The following SPECC1 variants were observed in gnomAD, a reference collection of about 807,000 sequenced individuals.
SPECC1 encodes the protein cytospin-B.
SPECC1 carries 62 observed loss-of-function variants against 104.1 expected under a neutral mutation model. That is an observed-to-expected ratio of 0.60 (90% CI 0.49 to 0.74). The LOEUF (loss-of-function observed/expected upper bound fraction) is 0.74, where lower values mean the gene tolerates loss of function less well. Ranked by LOEUF, SPECC1 falls within the 30% of genes least tolerant of loss-of-function variation. SPECC1 has a pLI of 0.00. For missense variants in SPECC1, 1,306 were observed against 1,310.5 expected (o/e 1.00, Z 0.05); for synonymous variants, 513 against 501.6 (o/e 1.02, Z -0.30).
chr17:20,162,745 T>A (rs1317655843), intron 3 of SPECC1, among the ~76,000 whole-genome samples: 1 of 152,102 alleles, frequency 6.6e-6, no homozygotes, highest in East Asian at 1.9e-4. Context: ...AGTGAAGATG[T>A]GGCTGGGTGC....
At chr17:20,209,935 T>C (rs572232001) in intron 4 of SPECC1, among the ~76,000 whole-genome samples, 4 of 152,364 alleles carry the variant, frequency 2.6e-5, no homozygotes, top group Middle Eastern at 3.4e-3. Context: ...ATAGGTGGTA[T>C]CCTTAGAATC....
chr17:20,238,750 T>G, intron 7 of SPECC1: 1 of 1,043,708 alleles, frequency 9.6e-7, no homozygotes. Context: ...TTTTCAAGTA[T>G]AAACAATAAG....
At chr17:20,201,947 A>G (rs934016744) in intron 3 of SPECC1, among the ~76,000 whole-genome samples, 4 of 152,244 alleles carry the variant, frequency 2.6e-5, no homozygotes, top group African/African-American at 9.6e-5. Flanking sequence ...TATGAAAACA[A>G]TTGAGAAAAA....
chr17:20,092,225 G>T (rs1201804713), intron 1 of SPECC1, among the ~76,000 whole-genome samples: 1 of 150,504 alleles, frequency 6.6e-6, no homozygotes, highest in African/African-American at 2.5e-5. Context: ...CACCATGGGT[G>T]TGGGGTCCTA....
At chr17:20,086,797 C>A (rs2047196338) in intron 1 of SPECC1, among the ~76,000 whole-genome samples, 1 of 152,142 alleles carries the variant, frequency 6.6e-6, no homozygotes, top group Non-Finnish European at 1.5e-5. Context: ...CCCCTTCCTC[C>A]CAGGTCCTCA....
chr17:20,033,102 T>G (rs2044893373), intron 1 of SPECC1, among the ~76,000 whole-genome samples: 1 of 152,040 alleles, frequency 6.6e-6, no homozygotes, highest in Non-Finnish European at 1.5e-5. Flanking sequence ...TAGCTGGGAT[T>G]ACAGGCATCC....
intron 3 of SPECC1, among the ~76,000 whole-genome samples, chr17:20,170,335 G>A (rs1439784271): frequency 6.6e-6 from 1 of 152,164 alleles, no homozygotes; most frequent in East Asian, 1.9e-4. Context: ...GTATTTCCAG[G>A]AAAGTTTTGA....
At chr17:20,132,470 C>T (rs1366893722) in intron 3 of SPECC1, among the ~76,000 whole-genome samples, 2 of 150,690 alleles carry the variant, frequency 1.3e-5, no homozygotes, top group African/African-American at 2.4e-5. Context: ...GTTAATTCTT[C>T]GTTAAATAAT....
chr17:20,024,044 A>G (rs911804414), intron 1 of SPECC1, among the ~76,000 whole-genome samples: 8 of 152,332 alleles, frequency 5.3e-5, no homozygotes, highest in African/African-American at 1.9e-4. Flanking sequence ...TTGACGAAAT[A>G]TATTTTACTC....
chr17:20,093,242 G>A (rs1381469793), intron 1 of SPECC1, among the ~76,000 whole-genome samples: 1 of 152,132 alleles, frequency 6.6e-6, no homozygotes, highest in Non-Finnish European at 1.5e-5. Flanking sequence ...GTTCATAGAT[G>A]GAGTCCTCTT....
intron 3 of SPECC1, among the ~76,000 whole-genome samples, chr17:20,159,752 G>A (rs966240337): frequency 6.6e-6 from 1 of 152,152 alleles, no homozygotes; most frequent in South Asian, 2.1e-4. Flanking sequence ...TTTCAGCCTG[G>A]GCAGAGAAAG....
intron 2 of SPECC1, among the ~76,000 whole-genome samples, chr17:20,107,559 C>T (rs996208341): frequency 2.7e-5 from 4 of 150,766 alleles, no homozygotes; most frequent in East Asian, 3.9e-4. Flanking sequence ...TGGGTTCAAG[C>T]GATTCTCCTG....
chr17:20,090,943 A>G (rs1272266163), intron 1 of SPECC1, among the ~76,000 whole-genome samples: 2 of 152,074 alleles, frequency 1.3e-5, no homozygotes, highest in African/African-American at 4.8e-5. Context: ...GGGTCTCCAG[A>G]TTACACCCTA....
chr17:20,280,854 A>G (rs1476125035), intron 12 of SPECC1, among the ~76,000 whole-genome samples: 2 of 152,240 alleles, frequency 1.3e-5, no homozygotes, highest in African/African-American at 4.8e-5. Flanking sequence ...CTTCTGCAGA[A>G]GCATCATTGG....
intron 13 of SPECC1, among the ~76,000 whole-genome samples, chr17:20,299,000 G>A (rs2041469627): frequency 7.4e-6 from 1 of 135,936 alleles, no homozygotes; most frequent in Admixed American, 7.3e-5. Context: ...GAGAGAGGTG[G>A]GGGCTGGGGA....
chr17:20,109,676 C>G (rs147036362), intron 2 of SPECC1, among the ~76,000 whole-genome samples: 57 of 152,272 alleles, frequency 3.7e-4, no homozygotes, highest in Non-Finnish European at 6.3e-4. Flanking sequence ...GGTGGTGAGG[C>G]CACAGCAGAT....
chr17:20,272,295 C>A (rs1205545162), intron 12 of SPECC1, among the ~76,000 whole-genome samples: 1 of 151,784 alleles, frequency 6.6e-6, no homozygotes, highest in Non-Finnish European at 1.5e-5. Context: ...TGGGAGGCTT[C>A]CCTAACTTTA....
intron 4 of SPECC1, among the ~76,000 whole-genome samples, chr17:20,221,404 T>C (rs1435184399): frequency 6.6e-6 from 1 of 152,186 alleles, no homozygotes; most frequent in African/African-American, 2.4e-5. Context: ...TGTATGTGTC[T>C]AGGAATTTAT....
chr17:20,218,486 C>T (rs2037651012), intron 4 of SPECC1, among the ~76,000 whole-genome samples: 1 of 152,190 alleles, frequency 6.6e-6, no homozygotes, highest in African/African-American at 2.4e-5. Flanking sequence ...AATCCAGAGT[C>T]TCACGCCTTT....
Sources: gnomAD v4.1 joint callset for allele counts (sites outside exome capture counted in the v4.1 genomes callset) on GRCh38, gnomAD v4.1.1 for gene constraint, MANE v1.5 for transcripts, NCBI Gene and HGNC (gene_info 2026-07-23, HGNC 2026-07-21) for gene names.